The following UBE2G1 variants were observed in gnomAD, a reference collection of about 807,000 sequenced individuals.
UBE2G1 encodes ubiquitin conjugating enzyme E2 G1, also known as ubiquitin-conjugating enzyme E2 G1.
A neutral mutation model predicts 22.7 loss-of-function variants in UBE2G1; 5 were observed. The ratio of observed to expected loss-of-function variants is 0.22; its 90% CI spans 0.12 to 0.46. The LOEUF is 0.46. UBE2G1 is among the 20% of genes least tolerant of loss of function. UBE2G1 has a pLI of 0.99. For missense variants in UBE2G1, 88 were observed against 203.9 expected, an observed-to-expected ratio of 0.43 and a Z score of 3.46; for synonymous variants, 74 against 67.5, an observed-to-expected ratio of 1.10 and a Z score of -0.47.
intron 1 of UBE2G1, among the ~76,000 whole-genome samples, chr17:4,360,467 G>A (rs1314098512): frequency 6.6e-6 from 1 of 152,062 alleles, no homozygotes; most frequent in African/African-American, 2.4e-5. Context: ...CTTCACCTGA[G>A]AAAAGGAAGT....
intron 1 of UBE2G1, chr17:4,335,165 G>C (rs1308613015): frequency 1.3e-5 from 2 of 152,056 alleles, no homozygotes; most frequent in Non-Finnish European, 2.9e-5. Context: ...ATATTAAAAG[G>C]TGTATAAGAA....
At chr17:4,289,118 C>T in intron 4 of UBE2G1, 112 bp downstream of exon 4, 1 of 789,930 alleles carries the variant, frequency 1.3e-6, no homozygotes, top group Non-Finnish European at 1.8e-6. Flanking sequence ...CACACACACA[C>T]ACACACACAC....
intron 1 of UBE2G1, among the ~76,000 whole-genome samples, chr17:4,326,015 C>T (rs1969501029): frequency 1.3e-5 from 2 of 152,006 alleles, no homozygotes; most frequent in Admixed American, 1.3e-4. Context: ...TTAAAACTCT[C>T]AGGCGAAAAA....
In UBE2G1 at chr17:4,366,219, C is replaced by T. The variant is rs534480814; in HGVS notation, c.46+52G>A. ...CGGGAGGAGAAGAGGGACTGGGCTGCGGCTGTCCGCGATCGCGGCCGGGCC... is the reference window on the plus strand; with the variant it reads ...CGGGAGGAGAAGAGGGACTGGGCTGTGGCTGTCCGCGATCGCGGCCGGGCC... On this transcript the variant is annotated intron_variant, in intron 1 of 5. Transcript: ENST00000396981. The T allele has an allele frequency of 5.3e-6, 8 of 1,496,154 alleles. No homozygotes were observed. The South Asian group carries it at 9.9e-5, about 19-fold the overall frequency. The allele number at this position is 1,496,154 out of a possible 1,614,324, so 92.7% of individuals were successfully genotyped here.
At chr17:4,364,293 C>CTTTTT in intron 1 of UBE2G1, 1 of 120,746 alleles carries the variant, frequency 8.3e-6, no homozygotes, top group Non-Finnish European at 1.8e-5. Flanking sequence ...CAATAAAGTT[C>CTTTTT]TTTTTTTTTT....
At chr17:4,314,373 T>C (rs1969343883) in intron 1 of UBE2G1, among the ~76,000 whole-genome samples, 1 of 152,236 alleles carries the variant, frequency 6.6e-6, no homozygotes, top group African/African-American at 2.4e-5. Context: ...TCAATAAAGT[T>C]AGTAACAACG....
At chr17:4,342,515 G>C (rs916803956) in intron 1 of UBE2G1, among the ~76,000 whole-genome samples, 1 of 152,178 alleles carries the variant, frequency 6.6e-6, no homozygotes, top group Non-Finnish European at 1.5e-5. Flanking sequence ...CCAGGGGTTC[G>C]AGGCTGTGGT....
intron 1 of UBE2G1, among the ~76,000 whole-genome samples, chr17:4,365,684 G>C (rs1377535341): frequency 1.3e-5 from 2 of 152,134 alleles, no homozygotes; most frequent in Non-Finnish European, 2.9e-5. Context: ...TCCGCACTCC[G>C]CCAGGGTCTC....
At chr17:4,282,980 A>G in intron 4 of UBE2G1, 59 bp from the exon 5 acceptor site, 1 of 1,331,558 alleles carries the variant, frequency 7.5e-7, no homozygotes, top group Non-Finnish European at 1.1e-6. Context: ...TATAATCTCA[A>G]ATATTTATTT....
chr17:4,362,238 A>ACC (rs2143837143), intron 1 of UBE2G1, among the ~76,000 whole-genome samples: 1 of 152,286 alleles, frequency 6.6e-6, no homozygotes, highest in Non-Finnish European at 1.5e-5. Flanking sequence ...GAAATACACA[A>ACC]CCTATCTGAT....
chr17:4,287,296 G>A (rs540134209), intron 4 of UBE2G1, among the ~76,000 whole-genome samples: 4 of 150,952 alleles, frequency 2.6e-5, no homozygotes, highest in East Asian at 3.9e-4. Context: ...TAGTTAAGAC[G>A]GGGTTTCACT....
intron 1 of UBE2G1, among the ~76,000 whole-genome samples, chr17:4,327,541 G>C (rs1034141836): frequency 6.6e-6 from 1 of 152,102 alleles, no homozygotes; most frequent in Non-Finnish European, 1.5e-5. Flanking sequence ...ATAGAATGGG[G>C]GTTGCCAGGG....
intron 1 of UBE2G1, among the ~76,000 whole-genome samples, chr17:4,311,526 A>C (rs907412093): frequency 6.6e-6 from 1 of 152,246 alleles, no homozygotes; most frequent in Non-Finnish European, 1.5e-5. Flanking sequence ...TAAGTTAAAG[A>C]AGCAGACATA....
At chr17:4,356,561 G>A (rs970229475) in intron 1 of UBE2G1, among the ~76,000 whole-genome samples, 2 of 151,922 alleles carry the variant, frequency 1.3e-5, no homozygotes, top group Non-Finnish European at 2.9e-5. Context: ...TTTAAATGAA[G>A]ACTGCTATTT....
At chr17:4,282,320 T>C (rs1433533449) in intron 5 of UBE2G1, among the ~76,000 whole-genome samples, 1 of 152,094 alleles carries the variant, frequency 6.6e-6, no homozygotes, top group Admixed American at 6.5e-5. Context: ...TGATCTCAGG[T>C]GTTCCACCCG....
intron 1 of UBE2G1, among the ~76,000 whole-genome samples, chr17:4,307,679 G>T (rs1969263000): frequency 6.6e-6 from 1 of 152,168 alleles, no homozygotes; most frequent in Admixed American, 6.5e-5. Context: ...GAGAGCAGGG[G>T]CCCCATATGT....
At chr17:4,329,109 GAAAAA>G (rs56962666) in intron 1 of UBE2G1, among the ~76,000 whole-genome samples, 3 of 91,760 alleles carry the variant, frequency 3.3e-5, no homozygotes, top group Admixed American at 1.4e-4. Context: ...GTCTCAAAAA[GAAAAA>G]AAAAAAAAAA....
At chr17:4,296,665 A>G in intron 3 of UBE2G1, 52 bp downstream of exon 3, 1 of 1,531,624 alleles carries the variant, frequency 6.5e-7, no homozygotes, top group South Asian at 1.1e-5. Context: ...TGAACACTTC[A>G]ATAACAGGCC....
intron 1 of UBE2G1, among the ~76,000 whole-genome samples, chr17:4,351,671 A>G (rs1969845824): frequency 6.6e-6 from 1 of 152,234 alleles, no homozygotes; most frequent in African/African-American, 2.4e-5. Context: ...GAAAAAAGAA[A>G]TTAGCACAGC....
Sources: allele counts gnomAD v4.1 joint callset (sites outside exome capture counted in the v4.1 genomes callset), GRCh38; gene constraint gnomAD v4.1.1; transcripts MANE v1.5; gene names NCBI Gene and HGNC (gene_info 2026-07-23, HGNC 2026-07-21).